ADAM20: variants seen among roughly 807,000 people sequenced by gnomAD.
ADAM20 encodes the protein disintegrin and metalloproteinase domain-containing protein 20.
For missense variants in ADAM20, 871 were observed against 883.2 expected, an observed-to-expected ratio of 0.99 and a Z score of 0.18; for synonymous variants, 305 against 310.2, an observed-to-expected ratio of 0.98 and a Z score of 0.18.
At chr14:70,579,093 G>C in the ADAM20 span, among the ~76,000 whole-genome samples, 2 of 152,104 alleles carry the variant, frequency 1.3e-5, no homozygotes, top group Non-Finnish European at 2.9e-5. Flanking sequence ...CTCTTGATGG[G>C]CACCTTGACT....
At chr14:70,569,710 T>C in the ADAM20 span, among the ~76,000 whole-genome samples, 1 of 151,638 alleles carries the variant, frequency 6.6e-6, no homozygotes. Context: ...GATAAAACAT[T>C]CAATTCAATC....
At chr14:70,537,534 G>A (rs1883861716), upstream of ADAM20, among the ~76,000 whole-genome samples, 1 of 152,168 alleles carries the variant, frequency 6.6e-6, no homozygotes, top group Admixed American at 6.5e-5. Flanking sequence ...GAGGACCAGT[G>A]GGACTAAGCT....
At chr14:70,525,735 G>GC (rs1461489066) in intron 1 of ADAM20, among the ~76,000 whole-genome samples, 3 of 152,000 alleles carry the variant, frequency 2.0e-5, no homozygotes, top group Non-Finnish European at 2.9e-5. Flanking sequence ...AGTCAAAAAA[G>GC]CCCCACTAAA....
At chr14:70,565,425 A>G in the ADAM20 span, among the ~76,000 whole-genome samples, 1 of 152,208 alleles carries the variant, frequency 6.6e-6, no homozygotes, top group East Asian at 1.9e-4. Context: ...ATGAAGCCCA[A>G]ACAGAATAAA....
chr14:70,525,042 A>C (rs1883559614), intron 1 of ADAM20, 109 bp from the exon 2 acceptor site: 3 of 970,104 alleles, frequency 3.1e-6, no homozygotes, highest in Non-Finnish European at 4.5e-6. Flanking sequence ...AAAATGCATT[A>C]GGATTCTCTT....
At chr14:70,578,460 A>G in the ADAM20 span, among the ~76,000 whole-genome samples, 1 of 152,154 alleles carries the variant, frequency 6.6e-6, no homozygotes, top group Non-Finnish European at 1.5e-5. Context: ...AAGACCTCAA[A>G]GGCAAATGCA....
the ADAM20 span, among the ~76,000 whole-genome samples, chr14:70,574,718 A>C: frequency 1.3e-5 from 2 of 152,302 alleles, no homozygotes; most frequent in South Asian, 4.1e-4. Context: ...TTAGAGAAAA[A>C]CGAAGCCTGG....
intron 1 of ADAM20, among the ~76,000 whole-genome samples, chr14:70,525,395 T>C (rs1347308892): frequency 1.3e-5 from 2 of 152,032 alleles, no homozygotes; most frequent in South Asian, 2.1e-4. Context: ...TTGATTTTTT[T>C]TGGGGGGATA....
chr14:70,568,446 T>C, the ADAM20 span, among the ~76,000 whole-genome samples: 1 of 152,174 alleles, frequency 6.6e-6, no homozygotes, highest in South Asian at 2.1e-4. Context: ...CGAGAAGGAA[T>C]CAGCAAGAAC....
chr14:70,522,525 G>A lies in ADAM20; in HGVS notation c.*52C>T. The A allele has an allele frequency of 2.1e-6, 3 of 1,431,584 alleles. No individual in the cohort carries two copies. Among genetic ancestry groups the A allele is most frequent in the Non-Finnish European group, 2.8e-6 (3 of 1,080,964 alleles). The allele number at this position is 1,431,584 out of a possible 1,614,324, so 88.7% of individuals were successfully genotyped here. A position where few individuals can be genotyped will look rare whatever the true frequency, so the allele number is the denominator to read the frequency against. On this transcript the variant is annotated 3_prime_UTR_variant, in exon 2 of 2. Transcript: ENST00000256389. ...CTTCATATTTTTCTATTAAAAAATT[G>A]GATATTAAAAATGAAGTATAAAGTT...
At chr14:70,538,439 A>G (rs964728202), upstream of ADAM20, among the ~76,000 whole-genome samples, 2 of 152,222 alleles carry the variant, frequency 1.3e-5, no homozygotes, top group Non-Finnish European at 2.9e-5. Flanking sequence ...CACCCCGATG[A>G]AAAAGAGTGC....
chr14:70,556,040 C>T, the ADAM20 span, among the ~76,000 whole-genome samples: 1 of 152,186 alleles, frequency 6.6e-6, no homozygotes, highest in African/African-American at 2.4e-5. Flanking sequence ...TAGTCTCCAA[C>T]GCCCACTTTC....
In ADAM20 at chr14:70,524,205, C is replaced by A. The variant is rs748358453; in HGVS notation, c.553G>T (p.Glu185Ter). Residue 185 changes from glutamate (E) to a stop codon, truncating the protein, a stop_gained, in exon 2 of 2, where the codon GAG becomes TAG. Coordinates refer to ENST00000256389, the MANE Select transcript of ADAM20 (RefSeq NM_003814.5). LOFTEE classifies it low-confidence loss of function (END_TRUNC). ...LTEEKIAHQM[E>*]LQLSYNFTLK... ...GTGAAATTATATGACAATTGCAACT[C>A]CATCTGGTGTGCTATTTTCTCTTCT... 2.5e-6 allele frequency: 4 copies of A among 1,613,930 alleles called. No homozygotes were observed. In the Admixed American group the frequency reaches 6.7e-5, roughly 27 times the overall value.
Position 70,523,550 on chromosome 14 carries a change from T to C in ADAM20, c.1208A>G (p.Asn403Ser), listed in dbSNP as rs1194351308. ...CCCACAGTACTTCAGTCTAAATATA[T>C]TCCCTGGATATGGAGGCGGTTGAAT... ...LCIQPPPYPGNIFRLKYCGNL... is the reference protein window; with the variant it reads ...LCIQPPPYPGSIFRLKYCGNL... The change falls in exon 2 of 2, where the codon AAT becomes AGT. Residue 403 changes from asparagine to serine, a missense_variant. Coordinates refer to ENST00000256389, the MANE Select transcript of ADAM20 (RefSeq NM_003814.5). 2.5e-6 allele frequency: 4 copies of C among 1,613,974 alleles called. No individual in the cohort carries two copies. Among genetic ancestry groups the C allele is most frequent in the Non-Finnish European group, 8.5e-7 (1 of 1,179,994 alleles).
At position 70,523,935 on chromosome 14, in the gene ADAM20, C is replaced by T. The variant is rs1218277522; in HGVS notation, c.823G>A (p.Val275Ile). Residue 275 changes from valine to isoleucine, a missense_variant, in exon 2 of 2, where the codon GTT (valine) becomes ATT (isoleucine). By Grantham distance (29) the Val-to-Ile change is conservative (BLOSUM62 3). Coordinates refer to ENST00000256389, the MANE Select transcript of ADAM20 (RefSeq NM_003814.5). ...PLPTSGDLDN[V>I]LEDFSIWKNY... ...TTCCAAATAGAAAAGTCCTCTAAAA[C>T]ATTATCTAGGTCTCCACTGGTAGGA... 2.5e-6 allele frequency: 4 copies of T among 1,614,006 alleles called. No homozygotes were observed. Among genetic ancestry groups the T allele is most frequent in the Non-Finnish European group, 3.4e-6 (4 of 1,179,950 alleles).
At chr14:70,542,769 T>C in the ADAM20 span, among the ~76,000 whole-genome samples, 29 of 152,244 alleles carry the variant, frequency 1.9e-4, no homozygotes, top group East Asian at 5.6e-3. Flanking sequence ...TGAAACCCTG[T>C]CTCTACTAGA....
intron 1 of ADAM20, among the ~76,000 whole-genome samples, chr14:70,531,086 C>T (rs1254837289): frequency 6.6e-6 from 1 of 151,906 alleles, no homozygotes; most frequent in Non-Finnish European, 1.5e-5. Context: ...AAACCTTTAA[C>T]TAGAGCAGCT....
At chr14:70,545,871 A>C in the ADAM20 span, among the ~76,000 whole-genome samples, 4 of 152,246 alleles carry the variant, frequency 2.6e-5, no homozygotes, top group East Asian at 1.9e-4. Context: ...TGGACCCAAA[A>C]GACATTTACA....
At chr14:70,537,062 T>G (rs1883853730), upstream of ADAM20, among the ~76,000 whole-genome samples, 1 of 152,164 alleles carries the variant, frequency 6.6e-6, no homozygotes, top group Non-Finnish European at 1.5e-5. Context: ...CTTCTTACAT[T>G]TGGTGCTGAA....
Sources: gnomAD v4.1 joint callset for allele counts (sites outside exome capture counted in the v4.1 genomes callset) on GRCh38, gnomAD v4.1.1 for gene constraint, MANE v1.5 for transcripts, NCBI Gene and HGNC (gene_info 2026-07-23, HGNC 2026-07-21) for gene names.